Variants in PLBD2 observed in about 807,000 individuals in gnomAD.
PLBD2 encodes putative aminopeptidase PLBD2.
PLBD2 carries 51 observed loss-of-function variants against 68.3 expected under a neutral mutation model. That is an observed-to-expected ratio of 0.75 (90% CI 0.60 to 0.94). The LOEUF is 0.94. Among genes scored for constraint, PLBD2 ranks in the 40% least tolerant of loss-of-function variants. The pLI is 0.00. For missense variants in PLBD2, 729 were observed against 792.2 expected (o/e 0.92, Z 0.96); for synonymous variants, 314 against 339.3 (o/e 0.93, Z 0.82).
In PLBD2 at chr12:113,389,025, C is replaced by A. The variant is rs1355085796; in HGVS notation, c.*399C>A. On this transcript the variant is annotated 3_prime_UTR_variant, in exon 12 of 12. Transcript: ENST00000280800. ...AGGAGCCTGTTCCAGCACCCTTCTC[C>A]CAGCTGCATTCCCACGGGTGGCCCT... 2 of 159,422 alleles carry A rather than the reference C, an allele frequency of 1.3e-5. No individual in the cohort carries two copies. Among genetic ancestry groups the A allele is most frequent in the Admixed American group, 1.3e-4 (2 of 15,470 alleles). 9.9% of individuals were successfully genotyped at this position (159,422 alleles called of 1,614,324 possible). A position where few individuals can be genotyped will look rare whatever the true frequency, so the allele number is the denominator to read the frequency against.
chr12:113,373,619 C>T (rs1957409300), intron 3 of PLBD2, among the ~76,000 whole-genome samples: 1 of 151,888 alleles, frequency 6.6e-6, no homozygotes, highest in Admixed American at 6.6e-5. Context: ...TACCCACCCA[C>T]TCACCCATCT....
At position 113,372,715 on chromosome 12, in the gene PLBD2, T is replaced by C; in HGVS notation, c.451T>C (p.Tyr151His). The C allele has an allele frequency of 6.2e-7, 1 of 1,614,112 alleles. No homozygotes were observed. The highest frequency in any genetic ancestry group is 8.5e-7 in the Non-Finnish European group (1 of 1,180,010). ...YCGPFEYEVG[Y>H]CERLKSFLEA... ...CGGCCCCTTCGAGTATGAAGTCGGC[T>C]ACTGCGAGAGGCTGAAGAGCTTCCT... Residue 151 changes from tyrosine (Y) to histidine (H), a missense_variant, in exon 3 of 12, where the codon TAC (tyrosine) becomes CAC (histidine). Coordinates refer to ENST00000280800, the MANE Select transcript of PLBD2 (RefSeq NM_173542.4). This position sits in a 1 kb window ranked among gnomAD's most constrained non-coding sequence, Gnocchi z 4.2.
intron 5 of PLBD2, among the ~76,000 whole-genome samples, chr12:113,378,395 T>A (rs765860644): frequency 6.6e-6 from 1 of 152,216 alleles, no homozygotes; most frequent in Admixed American, 6.5e-5. Flanking sequence ...CTAAAATGTT[T>A]GCTTTCTGAG....
chr12:113,380,768 A>G lies in PLBD2; in HGVS notation c.883A>G (p.Asn295Asp). ...PWGDYPLVPG[N>D]KLVFSSYPGT... ...AGGGGACTACCCGCTGGTTCCCGGC[A>G]ACAAGCTGGTCTTCTCCTCCTACCC... is the stretch of plus-strand genomic sequence containing the variant. Residue 295 changes from asparagine to aspartate, a missense_variant, in exon 6 of 12, where the codon AAC becomes GAC. Coordinates refer to ENST00000280800, the MANE Select transcript of PLBD2 (RefSeq NM_173542.4). The G allele has an allele frequency of 6.4e-7, 1 of 1,552,968 alleles. No individual in the cohort carries two copies. Among genetic ancestry groups the G allele is most frequent in the Non-Finnish European group, 8.7e-7 (1 of 1,148,258 alleles).
chr12:113,374,414 A>G, intron 3 of PLBD2, 60 bp from the exon 4 acceptor site: 1 of 1,154,306 alleles, frequency 8.7e-7, no homozygotes, highest in Non-Finnish European at 1.3e-6. Context: ...CCGTTGAAGG[A>G]GAAGGTGTGA....
intron 6 of PLBD2, 30 bp downstream of exon 6, chr12:113,380,872 C>T: frequency 1.3e-6 from 2 of 1,538,390 alleles, no homozygotes. Context: ...CTCCTCTGTT[C>T]CTGGGGTGTT....
intron 9 of PLBD2, among the ~76,000 whole-genome samples, chr12:113,386,483 A>G (rs1957553989): frequency 7.3e-6 from 1 of 137,132 alleles, no homozygotes; most frequent in Admixed American, 7.4e-5. Flanking sequence ...CCTCCCAAGT[A>G]GCTGGGATTA....
intron 9 of PLBD2, among the ~76,000 whole-genome samples, chr12:113,385,838 C>T (rs1957546434): frequency 6.6e-6 from 1 of 152,026 alleles, no homozygotes; most frequent in Non-Finnish European, 1.5e-5. Context: ...GCAGCCTCCG[C>T]CTCCTGAGCT....
At position 113,384,190 on chromosome 12, in the gene PLBD2, G is replaced by C. The variant is rs149632527; in HGVS notation, c.1043G>C (p.Arg348Pro). Reference protein sequence around the residue: ...RPRGCVLEWVRNIVANRLASD... With the variant: ...RPRGCVLEWVPNIVANRLASD... ...AGGGGCTGTGTGCTGGAGTGGGTAC[G>C]CAACATCGTGGCCAACCGCCTGGCC... Residue 348 changes from arginine (R) to proline (P), a missense_variant, in exon 7 of 12, where the codon CGC becomes CCC. Coordinates refer to ENST00000280800, the MANE Select transcript of PLBD2 (RefSeq NM_173542.4). This position sits in a 1 kb window ranked among gnomAD's most constrained non-coding sequence, Gnocchi z 4.2. 6 of 1,613,914 alleles carry C rather than the reference G, an allele frequency of 3.7e-6. No individual in the cohort carries two copies. The East Asian group carries it at 1.1e-4, about 30-fold the overall frequency.
At chr12:113,388,218 T>G (rs1206240477) in intron 11 of PLBD2, among the ~76,000 whole-genome samples, 2 of 152,080 alleles carry the variant, frequency 1.3e-5, no homozygotes, top group Non-Finnish European at 2.9e-5. Flanking sequence ...GGCGGGCGTC[T>G]GTAATCCCAG....
chr12:113,385,141 C>T, intron 8 of PLBD2, 71 bp from the exon 9 acceptor site: 1 of 1,539,364 alleles, frequency 6.5e-7, no homozygotes, highest in Non-Finnish European at 8.9e-7. Context: ...ATCGGGGCTC[C>T]CCGAGCAGGG....
chr12:113,388,074 G>A (rs1957571047), intron 11 of PLBD2, among the ~76,000 whole-genome samples, 168 bp downstream of exon 11: 1 of 152,176 alleles, frequency 6.6e-6, no homozygotes, highest in Non-Finnish European at 1.5e-5. Context: ...GGGCACGGTG[G>A]CTCATGCCTG....
intron 5 of PLBD2, among the ~76,000 whole-genome samples, chr12:113,377,832 C>T (rs942678646): frequency 1.3e-5 from 2 of 152,130 alleles, no homozygotes; most frequent in African/African-American, 4.8e-5. Context: ...GCTATATATC[C>T]ATTAAAATTT....
At chr12:113,387,243 G>A (rs1293691874) in intron 10 of PLBD2, among the ~76,000 whole-genome samples, 154 bp downstream of exon 10, 2 of 152,162 alleles carry the variant, frequency 1.3e-5, no homozygotes, top group African/African-American at 2.4e-5. Flanking sequence ...GCAGCAGCTC[G>A]GTGGCCGCTC....
chr12:113,375,189 A>G (rs1185945843), intron 5 of PLBD2, 182 bp downstream of exon 5: 2 of 619,780 alleles, frequency 3.2e-6, no homozygotes, highest in Non-Finnish European at 2.8e-6. Flanking sequence ...TCTGTTGCCC[A>G]GGCTGGAGTA....
chr12:113,382,835 T>TTTTTTTGTG (rs1335785271), intron 6 of PLBD2, among the ~76,000 whole-genome samples: 4 of 106,532 alleles, frequency 3.8e-5, no homozygotes, highest in African/African-American at 1.5e-4. Context: ...TGGTGGTTTT[T>TTTTTTTGTG]TGTGTGTGTG....
chr12:113,388,600 G>A lies in PLBD2; in HGVS notation c.1744G>A (p.Ala582Thr), dbSNP rs370076952. ...HMGQPDLWKFAPVKVSWD is the reference protein window; with the variant it reads ...HMGQPDLWKFTPVKVSWD The stretch of plus-strand genomic sequence containing the variant: ...GGGCCAGCCAGACCTCTGGAAGTTC[G>A]CGCCTGTCAAGGTTTCATGGGACTG... The change falls in exon 12 of 12, where the codon GCG (alanine) becomes ACG (threonine). Residue 582 changes from alanine (A) to threonine (T), a missense_variant. Coordinates refer to ENST00000280800, the MANE Select transcript of PLBD2 (RefSeq NM_173542.4). The A allele has an allele frequency of 4.3e-5, 68 of 1,595,958 alleles. No individual in the cohort carries two copies. The highest frequency in any genetic ancestry group is 2.5e-4 in the South Asian group (22 of 89,762).
intron 1 of PLBD2, among the ~76,000 whole-genome samples, chr12:113,363,683 G>A (rs1381070372): frequency 1.3e-5 from 2 of 151,798 alleles, no homozygotes; most frequent in Non-Finnish European, 2.9e-5. Context: ...GACTACAGGT[G>A]CCCGCCCCCA....
At position 113,384,585 on chromosome 12, in the gene PLBD2, C is replaced by T. The variant is rs1957530797; in HGVS notation, c.1119-266C>T. Among the ~76,000 whole-genome samples the T allele has an allele frequency of 6.6e-6, 1 of 152,146 alleles. No homozygotes were observed. The highest frequency in any genetic ancestry group is 1.5e-5 in the Non-Finnish European group (1 of 68,006). On this transcript the variant is annotated intron_variant, in intron 7 of 11. Transcript: ENST00000280800. The surrounding 1 kb of genome is among the most constrained non-coding windows in gnomAD (Gnocchi z 4.2). ...TGGCAGGGCCTGTGAGCCAGAGACACTGGAACTGGGCAGTGCAGATCTTAC... is the reference window on the plus strand; with the variant it reads ...TGGCAGGGCCTGTGAGCCAGAGACATTGGAACTGGGCAGTGCAGATCTTAC...
Sources: gnomAD v4.1 joint callset for allele counts (sites outside exome capture counted in the v4.1 genomes callset) on GRCh38, gnomAD v4.1.1 for gene constraint, Gnocchi (gnomAD v3.1) non-coding constraint, MANE v1.5 for transcripts, NCBI Gene and HGNC (gene_info 2026-07-23, HGNC 2026-07-21) for gene names.